MBTPS1: variants seen among roughly 807,000 people sequenced by gnomAD.
MBTPS1 encodes the protein membrane bound transcription factor peptidase, site 1.
Under a neutral mutation model 127.8 loss-of-function variants are expected in MBTPS1, and 94 were observed. The observed-to-expected ratio is 0.74, with a 90% CI of 0.62 to 0.87. The LOEUF (loss-of-function observed/expected upper bound fraction) is 0.87, where lower values mean the gene tolerates loss of function less well. MBTPS1 is among the 40% of genes least tolerant of loss of function. The pLI is 0.00. For synonymous variants in MBTPS1, 632 were observed against 509.4 expected (o/e 1.24, Z -3.24); for missense variants, 1,636 against 1,353.2 (o/e 1.21, Z -3.28).
chr16:84,095,651 C>G lies in MBTPS1; in HGVS notation c.576G>C (p.Gln192His), dbSNP rs745619728. 51 of 1,614,138 alleles carry G rather than the reference C, an allele frequency of 3.2e-5. No homozygotes were observed. In the Admixed American group the frequency reaches 7.5e-4, roughly 24 times the overall value. Residue 192 changes from glutamine (Q) to histidine (H), a missense_variant, in exon 4 of 23, where the codon CAG (glutamine) becomes CAC (histidine). Transcript: ENST00000343411. ...CATCTGCCTGCAGTGTCTGGGCAAC[C>G]TGGCGCGGGATGGCTCTCAGCAGCC... is the stretch of plus-strand genomic sequence containing the variant. ...SRRLLRAIPR[Q>H]VAQTLQADVL...
chr16:84,091,876 A>G (rs202232986), intron 6 of MBTPS1, 28 bp from the exon 7 acceptor site: 12 of 1,291,624 alleles, frequency 9.3e-6, no homozygotes, highest in Middle Eastern at 1.8e-4. Context: ...CAGTCTGCTT[A>G]GTGTTTCAAT....
At chr16:84,055,058 G>C (rs1373828413) in intron 22 of MBTPS1, among the ~76,000 whole-genome samples, 2 of 152,232 alleles carry the variant, frequency 1.3e-5, no homozygotes, top group Non-Finnish European at 2.9e-5. Context: ...GGGAGGAGGA[G>C]AAAGGGGGCG....
At chr16:84,067,556 C>G (rs1322156185) in intron 16 of MBTPS1, 111 bp downstream of exon 16, 3 of 863,024 alleles carry the variant, frequency 3.5e-6, no homozygotes, top group East Asian at 5.1e-5. Flanking sequence ...CTGAATGTGT[C>G]TGTGCCAACT....
intron 1 of MBTPS1, chr16:84,110,794 G>A (rs911531627): frequency 3.3e-5 from 5 of 152,204 alleles, no homozygotes; most frequent in Non-Finnish European, 7.3e-5. Flanking sequence ...ACACTCTTCA[G>A]AGGCAGGTCG....
intron 7 of MBTPS1, among the ~76,000 whole-genome samples, chr16:84,091,314 C>A (rs1380207816): frequency 6.6e-6 from 1 of 151,870 alleles, no homozygotes; most frequent in South Asian, 2.1e-4. Flanking sequence ...GGTGAAACCC[C>A]GTCTCTACTA....
chr16:84,096,536 A>G (rs1330831389), intron 3 of MBTPS1, among the ~76,000 whole-genome samples: 1 of 152,242 alleles, frequency 6.6e-6, no homozygotes, highest in Non-Finnish European at 1.5e-5. Flanking sequence ...GAAATGGCCT[A>G]AGGGTTTTCC....
chr16:84,084,519 T>C (rs889013297), intron 10 of MBTPS1, among the ~76,000 whole-genome samples: 7 of 152,264 alleles, frequency 4.6e-5, no homozygotes, highest in Admixed American at 3.9e-4. Context: ...ATGTATTCCA[T>C]AACATCATGT....
At chr16:84,058,865 A>G (rs2085562473) in intron 21 of MBTPS1, among the ~76,000 whole-genome samples, 1 of 152,174 alleles carries the variant, frequency 6.6e-6, no homozygotes, top group African/African-American at 2.4e-5. Context: ...ACAGGACGTA[A>G]TGACACAGAA....
intron 3 of MBTPS1, among the ~76,000 whole-genome samples, chr16:84,096,374 G>A (rs898727078): frequency 6.6e-6 from 1 of 152,194 alleles, no homozygotes; most frequent in Non-Finnish European, 1.5e-5. Flanking sequence ...ATTTCTGAGG[G>A]TGATGGAATT....
At chr16:84,098,949 T>A in intron 3 of MBTPS1, 104 bp downstream of exon 3, 1 of 1,150,880 alleles carries the variant, frequency 8.7e-7, no homozygotes, top group Non-Finnish European at 1.3e-6. Flanking sequence ...GCAAACTAGA[T>A]GGAAGGATGC....
rs192647778 is a variant in MBTPS1 at position 84,081,155 on chromosome 16, G to C, written c.1448+592C>G. 3.2e-4 allele frequency among the ~76,000 whole-genome samples: 49 copies of C among 152,356 alleles called. 1 individual carries two copies. In the East Asian group the frequency reaches 7.9e-3, roughly 25 times the overall value. On this transcript the variant is annotated intron_variant, in intron 11 of 22. Transcript: ENST00000343411. ...TGACGCTCATACTGAGGTTATGGAA[G>C]ATACTAAGGTGAGGGAAAGCTGGGT...
intron 11 of MBTPS1, 131 bp from the exon 12 acceptor site, chr16:84,074,872 T>C (rs560741609): frequency 3.9e-6 from 3 of 767,316 alleles, no homozygotes; most frequent in Admixed American, 6.0e-5. Flanking sequence ...TGCCCTAGGC[T>C]GGCATCTGGG....
chr16:84,074,033 C>CA (rs1429345200), intron 12 of MBTPS1, among the ~76,000 whole-genome samples: 4 of 151,914 alleles, frequency 2.6e-5, no homozygotes, highest in African/African-American at 7.3e-5. Context: ...TGAAATACTA[C>CA]AACTGGGCCT....
intron 1 of MBTPS1, among the ~76,000 whole-genome samples, chr16:84,107,868 A>ATTTT (rs66777766): frequency 1.5e-5 from 2 of 133,458 alleles, no homozygotes; most frequent in African/African-American, 2.8e-5. Context: ...TGTCCAGCTA[A>ATTTT]TTTTTTTTTT....
intron 11 of MBTPS1, among the ~76,000 whole-genome samples, chr16:84,079,722 T>A (rs1349656675): frequency 6.6e-6 from 1 of 152,012 alleles, no homozygotes; most frequent in Non-Finnish European, 1.5e-5. Context: ...AAGAAATAAA[T>A]AAATAAATAG....
chr16:84,103,178 T>A (rs1249047989), intron 1 of MBTPS1, among the ~76,000 whole-genome samples: 1 of 151,850 alleles, frequency 6.6e-6, no homozygotes, highest in Non-Finnish European at 1.5e-5. Flanking sequence ...GGGGCGTAAA[T>A]AATCCAGCAG....
At position 84,102,070 on chromosome 16, in the gene MBTPS1, G is replaced by A. The variant is rs768308226; in HGVS notation, c.-287C>T. The A allele has an allele frequency of 1.3e-5, 4 of 296,310 alleles. No homozygotes were observed. Among genetic ancestry groups the A allele is most frequent in the African/African-American group, 2.2e-5 (1 of 46,360 alleles). 18.4% of individuals were successfully genotyped at this position (296,310 alleles called of 1,614,324 possible). ...ACTCCATTTGTACCACAGAACCAAC[G>A]TCCAATGGGGTTGATCAATCAACCA... On this transcript the variant is annotated 5_prime_UTR_variant, in exon 2 of 23. It adds an upstream start codon to the 5' untranslated region. Coordinates refer to ENST00000343411, the MANE Select transcript of MBTPS1 (RefSeq NM_003791.4).
chr16:84,105,184 G>T (rs985172806), intron 1 of MBTPS1, among the ~76,000 whole-genome samples: 1 of 152,086 alleles, frequency 6.6e-6, no homozygotes, highest in Admixed American at 6.6e-5. Context: ...TAAATGTGGG[G>T]TATGTGGAAA....
intron 21 of MBTPS1, among the ~76,000 whole-genome samples, chr16:84,058,566 C>T (rs1042412600): frequency 1.3e-5 from 2 of 152,222 alleles, no homozygotes; most frequent in African/African-American, 2.4e-5. Context: ...GAAGCTCCCC[C>T]TTTCTTCTTA....
Sources: allele counts gnomAD v4.1 joint callset (sites outside exome capture counted in the v4.1 genomes callset), GRCh38; gene constraint gnomAD v4.1.1; transcripts MANE v1.5; gene names NCBI Gene and HGNC (gene_info 2026-07-23, HGNC 2026-07-21).